MALRD1: variants seen among roughly 807,000 people sequenced by gnomAD.
MALRD1 encodes the protein MAM and LDL receptor class A domain containing 1, also known as MAM and LDL-receptor class A domain-containing protein 1.
A neutral mutation model predicts 242.1 loss-of-function variants in MALRD1; 247 were observed. That is an observed-to-expected ratio of 1.02 (90% CI 0.92 to 1.13). The LOEUF (loss-of-function observed/expected upper bound fraction) is 1.13, where lower values mean the gene tolerates loss of function less well. Among genes scored for constraint, MALRD1 ranks in the 50% most tolerant of loss-of-function variants. The probability of loss-of-function intolerance (pLI) is 0.00; values close to 1 mark genes in which losing one functional copy is unlikely to be tolerated. For synonymous variants in MALRD1, 995 were observed against 866.6 expected (o/e 1.15, Z -2.60); for missense variants, 2,989 against 2,533.1 (o/e 1.18, Z -3.86).
At chr10:19,054,110 T>A (rs528025650) in intron 1 of MALRD1, among the ~76,000 whole-genome samples, 61 of 152,234 alleles carry the variant, frequency 4.0e-4, no homozygotes, top group East Asian at 9.6e-4. Context: ...GTAATTTTTT[T>A]AAAAAAATTT....
intron 21 of MALRD1, among the ~76,000 whole-genome samples, chr10:19,289,346 T>C (rs1841295154): frequency 6.6e-6 from 1 of 152,204 alleles, no homozygotes; most frequent in African/African-American, 2.4e-5. Flanking sequence ...GATTTCCCAA[T>C]GTGTTGCATT....
At chr10:19,458,232 A>T (rs1418685594) in intron 29 of MALRD1, among the ~76,000 whole-genome samples, 1 of 152,184 alleles carries the variant, frequency 6.6e-6, no homozygotes, top group East Asian at 1.9e-4. Flanking sequence ...CAAATGACAA[A>T]ATAGGCTTAT....
chr10:19,052,967 C>T (rs1834554084), intron 1 of MALRD1, among the ~76,000 whole-genome samples: 1 of 152,154 alleles, frequency 6.6e-6, no homozygotes, highest in Admixed American at 6.5e-5. Context: ...CTTGCTTAGG[C>T]CAGAAGCCGT....
intron 24 of MALRD1, among the ~76,000 whole-genome samples, chr10:19,346,003 T>A (rs1844103480): frequency 6.6e-6 from 1 of 152,232 alleles, no homozygotes; most frequent in African/African-American, 2.4e-5. Context: ...CAGGATGGTC[T>A]TGAACTCCTA....
chr10:19,181,547 G>A (rs369398459), intron 14 of MALRD1, among the ~76,000 whole-genome samples: 22 of 152,270 alleles, frequency 1.4e-4, no homozygotes, highest in Middle Eastern at 3.4e-3. Context: ...AGAGGCAGGG[G>A]CCAAGGGAAG....
rs2131618685 is a variant in MALRD1, at chr10:19,205,313, T to TG, written c.2578+49dup. ...ATTCTCTTTCTCATTTTGAAAGTGT[T>TG]GACCTTGATGAATTCACTTTTGTCT... On this transcript the variant is annotated intron_variant, in intron 17 of 39. Coordinates refer to ENST00000454679, the MANE Select transcript of MALRD1 (RefSeq NM_001142308.3). 5 of 1,478,630 alleles carry TG rather than the reference T, an allele frequency of 3.4e-6. No homozygotes were observed. In the East Asian group the frequency reaches 1.2e-4, roughly 37 times the overall value. The allele number at this position is 1,478,630 out of a possible 1,614,324, so 91.6% of individuals were successfully genotyped here.
chr10:19,567,801 G>A, intron 33 of MALRD1, 98 bp downstream of exon 33: 3 of 1,075,706 alleles, frequency 2.8e-6, no homozygotes, highest in Non-Finnish European at 4.0e-6. Context: ...TTTATTTCTG[G>A]GTCCAGTTCT....
intron 31 of MALRD1, among the ~76,000 whole-genome samples, chr10:19,504,297 A>G (rs1339083418): frequency 6.6e-6 from 1 of 152,186 alleles, no homozygotes; most frequent in East Asian, 1.9e-4. Flanking sequence ...CTTTTCCAGG[A>G]CATCACTGTA....
intron 1 of MALRD1, among the ~76,000 whole-genome samples, chr10:19,050,068 T>G (rs1317553096): frequency 6.7e-6 from 1 of 148,614 alleles, no homozygotes; most frequent in East Asian, 2.0e-4. Flanking sequence ...GTCACTTAAC[T>G]CAAACATATG....
At chr10:19,619,658 A>G (rs918011499) in intron 36 of MALRD1, among the ~76,000 whole-genome samples, 2 of 152,120 alleles carry the variant, frequency 1.3e-5, no homozygotes, top group Non-Finnish European at 1.5e-5. Context: ...GCTTTTCTGA[A>G]AGAAACATCT....
At chr10:19,549,230 T>A (rs903913779) in intron 32 of MALRD1, among the ~76,000 whole-genome samples, 1 of 152,188 alleles carries the variant, frequency 6.6e-6, no homozygotes, top group Non-Finnish European at 1.5e-5. Context: ...AGCCACCTGC[T>A]TAACATAAAA....
intron 21 of MALRD1, among the ~76,000 whole-genome samples, chr10:19,317,959 GTGGTTTATGA>G (rs1842771324): frequency 1.3e-5 from 2 of 152,002 alleles, no homozygotes; most frequent in Admixed American, 1.3e-4. Context: ...TTACTACTGT[GTGGTTTATGA>G]TATGTTTTAT....
intron 38 of MALRD1, among the ~76,000 whole-genome samples, chr10:19,711,663 G>A (rs1253328443): frequency 6.6e-6 from 1 of 152,166 alleles, no homozygotes; most frequent in African/African-American, 2.4e-5. Context: ...CCAAAAAATA[G>A]AACAGCCTGT....
rs575143275 is a variant in MALRD1 at position 19,618,844 on chromosome 10, G to A, written c.6137+2921G>A. On this transcript the variant is annotated intron_variant, in intron 36 of 39. Coordinates refer to ENST00000454679, the MANE Select transcript of MALRD1 (RefSeq NM_001142308.3). ...TGATTTCTGGGATATCACTGCCCATGCCTGTCACTCTCCTTCACCCATTCT... is the reference window on the plus strand; with the variant it reads ...TGATTTCTGGGATATCACTGCCCATACCTGTCACTCTCCTTCACCCATTCT... 4.6e-5 allele frequency among the ~76,000 whole-genome samples: 7 copies of A among 152,050 alleles called. No homozygotes were observed. In the South Asian group the frequency reaches 1.5e-3, roughly 32 times the overall value.
At chr10:19,693,745 C>A (rs955230788) in intron 38 of MALRD1, among the ~76,000 whole-genome samples, 4 of 151,978 alleles carry the variant, frequency 2.6e-5, no homozygotes, top group Non-Finnish European at 5.9e-5. Flanking sequence ...CATATGGAAC[C>A]AAAAAAGAGC....
At chr10:19,285,214 C>T (rs1475695200) in intron 21 of MALRD1, among the ~76,000 whole-genome samples, 2 of 144,410 alleles carry the variant, frequency 1.4e-5, no homozygotes, top group Non-Finnish European at 3.0e-5. Flanking sequence ...CCTGTTCACT[C>T]TGATGGTAGT....
At chr10:19,642,660 T>C (rs1840446413) in intron 36 of MALRD1, among the ~76,000 whole-genome samples, 1 of 152,126 alleles carries the variant, frequency 6.6e-6, no homozygotes, top group Admixed American at 6.6e-5. Flanking sequence ...ACAACAAAAA[T>C]CACATTCTGC....
chr10:19,084,518 G>A (rs1275985250), intron 2 of MALRD1, among the ~76,000 whole-genome samples: 2 of 151,876 alleles, frequency 1.3e-5, no homozygotes, highest in East Asian at 3.9e-4. Context: ...GCATGCAACA[G>A]GATTTATGTT....
chr10:19,586,811 G>A (rs184389041), intron 33 of MALRD1, among the ~76,000 whole-genome samples: 6,821 of 152,282 alleles, frequency 0.045, 455 homozygotes, highest in African/African-American at 0.15. Context: ...AATGGCAGGT[G>A]CCCCTCCCCC....
Sources: allele counts gnomAD v4.1 joint callset (sites outside exome capture counted in the v4.1 genomes callset), GRCh38; gene constraint gnomAD v4.1.1; transcripts MANE v1.5; gene names NCBI Gene and HGNC (gene_info 2026-07-23, HGNC 2026-07-21).